MMRN2: variants seen among roughly 807,000 people sequenced by gnomAD.
MMRN2 encodes the protein multimerin-2.
A neutral mutation model predicts 68.8 loss-of-function variants in MMRN2; 53 were observed. That is an observed-to-expected ratio of 0.77 (90% CI 0.62 to 0.97). MMRN2 has a LOEUF of 0.97. Among genes scored for constraint, MMRN2 ranks in the 50% least tolerant of loss-of-function variants. The probability of loss-of-function intolerance (pLI) is 0.00; values close to 1 mark genes in which losing one functional copy is unlikely to be tolerated. For synonymous variants in MMRN2, 564 were observed against 551.6 expected (o/e 1.02, Z -0.32); for missense variants, 1,266 against 1,259.5 (o/e 1.01, Z -0.08).
chr10:86,941,710 G>T (rs1001607840), intron 6 of MMRN2, among the ~76,000 whole-genome samples: 1 of 149,282 alleles, frequency 6.7e-6, no homozygotes, highest in East Asian at 2.0e-4. Context: ...GAAGTGGGAG[G>T]ATCAGCTGAG....
chr10:86,955,608 C>G (rs1011239516), intron 1 of MMRN2, among the ~76,000 whole-genome samples: 4 of 152,224 alleles, frequency 2.6e-5, no homozygotes, highest in African/African-American at 9.6e-5. Flanking sequence ...CTAGCAGAAC[C>G]CAGTCTGCCT....
Position 86,945,810 on chromosome 10 carries a change from T to A in MMRN2, c.165-121A>T. 3.3e-6 allele frequency: 5 copies of A among 1,537,922 alleles called. No individual in the cohort carries two copies. The highest frequency in any genetic ancestry group is 3.5e-6 in the Non-Finnish European group (4 of 1,141,892). On this transcript the variant is annotated intron_variant, in intron 1 of 6. Transcript: ENST00000372027. Reference sequence around the variant, plus strand: ...AGTGCTGGGATTCTGGAATCCATTATCCTGAGAAGAGAGCCTTCCGCATTA... The same window carrying A: ...AGTGCTGGGATTCTGGAATCCATTAACCTGAGAAGAGAGCCTTCCGCATTA...
At chr10:86,940,359 G>C (rs1244965398) in intron 6 of MMRN2, among the ~76,000 whole-genome samples, 1 of 152,058 alleles carries the variant, frequency 6.6e-6, no homozygotes, top group African/African-American at 2.4e-5. Flanking sequence ...ATATCGTCGT[G>C]GTAAACACAT....
At chr10:86,940,305 C>T (rs1287804511) in intron 6 of MMRN2, among the ~76,000 whole-genome samples, 2 of 152,176 alleles carry the variant, frequency 1.3e-5, no homozygotes, top group Admixed American at 6.5e-5. Flanking sequence ...CCACTGCGCC[C>T]GGCCTGGAAA....
chr10:86,946,520 G>A (rs1844071248), intron 1 of MMRN2, among the ~76,000 whole-genome samples: 1 of 152,330 alleles, frequency 6.6e-6, no homozygotes, highest in African/African-American at 2.4e-5. Flanking sequence ...TCAGCATCCC[G>A]CACACCTGAT....
rs760357788 is a variant in MMRN2, at chr10:86,944,139, CAT to C, written c.656-13_656-12del. 20 of 1,610,420 alleles carry C rather than the reference CAT, an allele frequency of 1.2e-5. No individual in the cohort carries two copies. The Admixed American group carries it at 3.0e-4, about 24-fold the overall frequency. On this transcript the variant is annotated splice_polypyrimidine_tract_variant and intron_variant, in intron 5 of 6. Transcript: ENST00000372027. The stretch of plus-strand genomic sequence containing the variant: ...ATCTATCAGGGAACTCTGCAACAGA[CAT>C]GTGGTGTGACACAAGCCCTGCAGGA...
chr10:86,956,082 C>T (rs1589308860), intron 1 of MMRN2, among the ~76,000 whole-genome samples: 1 of 152,118 alleles, frequency 6.6e-6, no homozygotes, highest in South Asian at 2.1e-4. Context: ...GAGACTAAGG[C>T]GTGGAGCTTC....
chr10:86,952,936 A>C (rs1403382061), intron 1 of MMRN2, among the ~76,000 whole-genome samples: 3 of 152,108 alleles, frequency 2.0e-5, no homozygotes, highest in Non-Finnish European at 4.4e-5. Flanking sequence ...TCCCCGCAGG[A>C]ATGTAATTCT....
intron 1 of MMRN2, among the ~76,000 whole-genome samples, chr10:86,954,440 C>T (rs879522078): frequency 1.1e-4 from 16 of 152,182 alleles, no homozygotes; most frequent in Admixed American, 2.6e-4. Context: ...TGTGCCTCTG[C>T]GGCACACAGA....
chr10:86,953,000 C>A (rs1031040914), intron 1 of MMRN2, among the ~76,000 whole-genome samples: 1 of 152,158 alleles, frequency 6.6e-6, no homozygotes, highest in Non-Finnish European at 1.5e-5. Flanking sequence ...TTAGCGATAT[C>A]TCTCCTACTT....
chr10:86,944,070 T>G lies in MMRN2; in HGVS notation c.714A>C (p.Gln238His). ...VLLPHVDTFL[Q>H]VHFSPIWRSF... is the part of the protein sequence containing the mutation. The stretch of plus-strand genomic sequence containing the variant: ...TCCTCCAGATGGGGCTGAAATGCAC[T>G]TGTAGGAAGGTGTCCACGTGGGGTA... The change falls in exon 6 of 7, where the codon CAA (glutamine) becomes CAC (histidine). Residue 238 changes from glutamine to histidine, a missense_variant. Physicochemically the swap from Gln to His is conservative, Grantham distance 24. Transcript: ENST00000372027. 6.2e-7 allele frequency: 1 copy of G among 1,614,082 alleles called. No homozygotes were observed. The highest frequency in any genetic ancestry group is 1.3e-5 in the African/African-American group (1 of 75,024).
chr10:86,941,401 TATAAC>T (rs1843961306), intron 6 of MMRN2, among the ~76,000 whole-genome samples: 1 of 152,212 alleles, frequency 6.6e-6, no homozygotes, highest in Non-Finnish European at 1.5e-5. Context: ...ATAAAGCAAT[TATAAC>T]AGTATACTGT....
chr10:86,945,637 T>G lies in MMRN2; in HGVS notation c.217A>C (p.Lys73Gln). 1 of 1,614,060 alleles carries G rather than the reference T, an allele frequency of 6.2e-7. No homozygotes were observed. The highest frequency in any genetic ancestry group is 2.2e-5 in the East Asian group (1 of 44,878). Residue 73 changes from lysine to glutamine, a missense_variant, in exon 2 of 7, where the codon AAA (lysine) becomes CAA (glutamine). Transcript: ENST00000372027. ...SKLVTLLALC[K>Q]TEKFLIHSQQ... ...GAGTGGATGAGGAATTTCTCTGTTT[T>G]GCAAAGAGCTAGTAAGGTGACCAGC...
intron 6 of MMRN2, among the ~76,000 whole-genome samples, chr10:86,939,589 A>C (rs1195885971): frequency 6.6e-6 from 1 of 150,834 alleles, no homozygotes; most frequent in East Asian, 1.9e-4. Context: ...GCCGGCCCGC[A>C]GCGCCCTCTA....
chr10:86,943,650 C>CCT lies in MMRN2; in HGVS notation c.1132_1133dup (p.Asn379GlyfsTer8), dbSNP rs748947796. ...TGGTCATGTGCAGCTCTGAGAGGTT[C>CCT]CTCTGCAGCTGGCCCAGCCTGGCCT... is the stretch of plus-strand genomic sequence containing the variant. On this transcript the variant is annotated frameshift_variant, in exon 6 of 7. Transcript: ENST00000372027. LOFTEE classifies it high-confidence loss of function. This position sits in a 1 kb window ranked among gnomAD's most constrained non-coding sequence, Gnocchi z 4.2. The CCT allele has an allele frequency of 2.5e-6, 4 of 1,613,002 alleles. No individual in the cohort carries two copies. Among genetic ancestry groups the CCT allele is most frequent in the Non-Finnish European group, 3.4e-6 (4 of 1,179,988 alleles).
chr10:86,954,181 G>C (rs1844184182), intron 1 of MMRN2: 1 of 152,424 alleles, frequency 6.6e-6, no homozygotes, highest in South Asian at 2.1e-4. Context: ...CCCTTGGGGA[G>C]TCCTGCTGGG....
rs200007530 is a variant in MMRN2 at position 86,945,363 on chromosome 10, G to A, written c.400+7C>T. The A allele has an allele frequency of 1.1e-4, 183 of 1,597,610 alleles. 3 individuals are homozygous for A. In the East Asian group the frequency reaches 4.0e-3, roughly 35 times the overall value. ...CAAGGGGGGAAGGGGGCCGCAGGGA[G>A]CCCTACCGTGGTGCTCGCAGTTGGG... is the stretch of plus-strand genomic sequence containing the variant. On this transcript the variant is annotated splice_region_variant and intron_variant, in intron 3 of 6. Transcript: ENST00000372027.
rs1438064382 is a variant in MMRN2 at position 86,936,777 on chromosome 10, G to A, written c.2816C>T (p.Thr939Ile). The change falls in exon 7 of 7, where the codon ACT becomes ATT. Residue 939 changes from threonine (T) to isoleucine (I), a missense_variant. By Grantham distance (89) the Thr-to-Ile change is moderately conservative. Transcript: ENST00000372027. ...GSITKRSLSGTAFGGFLMFKT is the reference protein window; with the variant it reads ...GSITKRSLSGIAFGGFLMFKT ...AAACATCAGGAAGCCCCCAAATGCA[G>A]TGCCCGACAGGCTTCTCTTTGTTAT... 6.2e-7 allele frequency: 1 copy of A among 1,614,212 alleles called. No individual in the cohort carries two copies. Among genetic ancestry groups the A allele is most frequent in the Non-Finnish European group, 8.5e-7 (1 of 1,180,036 alleles).
intron 1 of MMRN2, among the ~76,000 whole-genome samples, chr10:86,950,417 A>G (rs1395226661): frequency 6.6e-6 from 1 of 152,206 alleles, no homozygotes; most frequent in East Asian, 1.9e-4. Flanking sequence ...GAGCACCAGC[A>G]TTTTAAGGCT....
Sources: allele counts gnomAD v4.1 joint callset (sites outside exome capture counted in the v4.1 genomes callset), GRCh38; gene constraint gnomAD v4.1.1; non-coding constraint Gnocchi (gnomAD v3.1); transcripts MANE v1.5; gene names NCBI Gene and HGNC (gene_info 2026-07-23, HGNC 2026-07-21).